The following LMF1 variants were observed in gnomAD, a reference collection of about 807,000 sequenced individuals.
The protein encoded by LMF1 is lipase maturation factor 1.
Under a neutral mutation model 60.6 loss-of-function variants are expected in LMF1, and 68 were observed. The ratio of observed to expected loss-of-function variants is 1.12; its 90% CI spans 0.92 to 1.37. The LOEUF (loss-of-function observed/expected upper bound fraction) is 1.37. Among genes scored for constraint, LMF1 ranks in the 40% most tolerant of loss-of-function variants. LMF1 has a pLI of 0.00. For synonymous variants in LMF1, 418 were observed against 324.7 expected, an observed-to-expected ratio of 1.29 and a Z score of -3.09; for missense variants, 948 against 767.2, an observed-to-expected ratio of 1.24 and a Z score of -2.78.
chr16:960,129 C>G (rs1262051552), intron 1 of LMF1, among the ~76,000 whole-genome samples: 1 of 152,212 alleles, frequency 6.6e-6, no homozygotes, highest in African/African-American at 2.4e-5. Context: ...CTAAAAAGAA[C>G]CAGGGCTCCT....
chr16:931,107 C>T (rs1236124525), intron 3 of LMF1, among the ~76,000 whole-genome samples: 10 of 151,322 alleles, frequency 6.6e-5, no homozygotes, highest in Non-Finnish European at 1.2e-4. Context: ...GGCGACAGAG[C>T]GAGACTCCAT....
intron 3 of LMF1, among the ~76,000 whole-genome samples, chr16:912,237 G>A (rs1200532181): frequency 6.6e-6 from 1 of 151,856 alleles, no homozygotes; most frequent in Non-Finnish European, 1.5e-5. Flanking sequence ...CGCAGGGGCA[G>A]CATCTACACA....
intron 1 of LMF1, among the ~76,000 whole-genome samples, chr16:957,929 GC>G (rs1327227891): frequency 2.0e-5 from 3 of 152,110 alleles, no homozygotes; most frequent in Non-Finnish European, 4.4e-5. Flanking sequence ...GATCGCTTGA[GC>G]CCAGGAATTC....
rs997707606 is a variant in LMF1, at chr16:901,314, G to A, written c.664-8242C>T. On this transcript the variant is annotated intron_variant, in intron 4 of 10. Transcript: ENST00000262301. ...GTGGTTTGGCTCCAGGGGGCGTCAC[G>A]GAAAACCCACCCTCTGCCCCTGTGC... The A allele has an allele frequency of 5.3e-5, 8 of 152,110 alleles. No homozygotes were observed. In the East Asian group the frequency reaches 5.8e-4, roughly 11 times the overall value. The allele number at this position is 152,110 out of a possible 1,614,324, so 9.4% of individuals were successfully genotyped here. A position where few individuals can be genotyped will look rare whatever the true frequency, so the allele number is the denominator to read the frequency against.
At chr16:879,512 T>C in intron 6 of LMF1, 58 bp downstream of exon 6, 10 of 1,582,458 alleles carry the variant, frequency 6.3e-6, no homozygotes, top group Non-Finnish European at 7.7e-6. Flanking sequence ...CAGCCAGAAA[T>C]AGGGCGACGG....
chr16:903,385 G>A, intron 4 of LMF1: 1 of 18,360 alleles, frequency 5.4e-5, no homozygotes, highest in Non-Finnish European at 9.2e-5. Context: ...CTGCCCACAG[G>A]ACGCCTGTCT....
chr16:910,811 C>G (rs990992492), intron 4 of LMF1, 120 bp downstream of exon 4: 47 of 1,303,266 alleles, frequency 3.6e-5, no homozygotes, highest in Non-Finnish European at 4.9e-5. Flanking sequence ...CCAGGCCAGG[C>G]CGACAGGAGG....
rs1165414231 is a variant in LMF1, at chr16:879,520, C to G, written c.897+50G>C. The G allele has an allele frequency of 4.4e-6, 7 of 1,592,334 alleles. No individual in the cohort carries two copies. In the South Asian group the frequency reaches 5.7e-5, roughly 13 times the overall value. On this transcript the variant is annotated intron_variant, in intron 6 of 10. Transcript: ENST00000262301. ...AGCGGGGCAGCCAGAAATAGGGCGA[C>G]GGGCCAGCGTCTCTGTGGACACGGG... is the stretch of plus-strand genomic sequence containing the variant.
intron 10 of LMF1, among the ~76,000 whole-genome samples, chr16:865,323 G>C (rs62012415): frequency 0.031 from 4,721 of 152,262 alleles, 88 homozygotes; most frequent in Non-Finnish European, 0.04. Context: ...GAACTCAAGA[G>C]AAGGAACGTC....
At chr16:870,990 G>T in intron 7 of LMF1, 108 bp from the exon 8 acceptor site, 1 of 1,448,920 alleles carries the variant, frequency 6.9e-7, no homozygotes, top group South Asian at 1.4e-5. Flanking sequence ...CTGGGTCCCG[G>T]GGACGGAGCA....
upstream of LMF1, among the ~76,000 whole-genome samples, chr16:974,054 A>G (rs2151502182): frequency 6.6e-6 from 1 of 152,138 alleles, no homozygotes; most frequent in South Asian, 2.1e-4. Context: ...GACAACAGAC[A>G]GCCCTGCACT....
chr16:950,445 A>G, intron 2 of LMF1, among the ~76,000 whole-genome samples: 1 of 134,628 alleles, frequency 7.4e-6, no homozygotes, highest in South Asian at 2.8e-4. Flanking sequence ...AGACAACGAC[A>G]GAGTCAGCCA....
chr16:975,085 G>A (rs1288349635), upstream of LMF1, among the ~76,000 whole-genome samples: 3 of 152,126 alleles, frequency 2.0e-5, no homozygotes, highest in East Asian at 5.8e-4. Flanking sequence ...TGTGCCATTT[G>A]CTGGTTGTCC....
intron 3 of LMF1, among the ~76,000 whole-genome samples, chr16:928,202 C>T (rs909737593): frequency 2.6e-5 from 4 of 152,150 alleles, no homozygotes; most frequent in Non-Finnish European, 4.4e-5. Context: ...GTGGATGGGC[C>T]CCCCCAGCCT....
At chr16:919,030 T>C (rs11866545) in intron 3 of LMF1, among the ~76,000 whole-genome samples, 56,460 of 151,930 alleles carry the variant, frequency 0.37, 12,364 homozygotes, top group African/African-American at 0.6. Context: ...CACAGCACAG[T>C]AGCATCCACA....
chr16:965,343 G>A (rs1008886073), intron 1 of LMF1, among the ~76,000 whole-genome samples: 1 of 152,208 alleles, frequency 6.6e-6, no homozygotes, highest in Admixed American at 6.5e-5. Context: ...TGGAACACAT[G>A]GGCAGATTGG....
chr16:893,360 A>G (rs1370836985), intron 4 of LMF1: 4 of 554,326 alleles, frequency 7.2e-6, no homozygotes, highest in Non-Finnish European at 1.0e-5. Context: ...TCCACGCATC[A>G]TCACGCTACA....
chr16:887,601 A>G (rs111247265), intron 5 of LMF1, among the ~76,000 whole-genome samples: 7,956 of 152,126 alleles, frequency 0.052, 513 homozygotes, highest in Admixed American at 0.13. Flanking sequence ...CCACGCCTGG[A>G]GGCCCCGCAG....
chr16:889,323 A>G (rs567434136), intron 5 of LMF1, among the ~76,000 whole-genome samples: 1 of 152,062 alleles, frequency 6.6e-6, no homozygotes, highest in East Asian at 1.9e-4. Context: ...TTACCAGCAG[A>G]TGAAAAAAGC....
Sources: allele counts gnomAD v4.1 joint callset (sites outside exome capture counted in the v4.1 genomes callset), GRCh38; gene constraint gnomAD v4.1.1; transcripts MANE v1.5; gene names NCBI Gene and HGNC (gene_info 2026-07-23, HGNC 2026-07-21).